The following DCP1A variants were observed in gnomAD, a reference collection of about 807,000 sequenced individuals.
DCP1A encodes the protein decapping mRNA 1A.
In DCP1A, 20 loss-of-function variants were observed where a neutral mutation model predicts 58.0. The ratio of observed to expected loss-of-function variants is 0.34; its 90% confidence interval spans 0.24 to 0.50. The LOEUF is 0.50. DCP1A is among the 20% of genes least tolerant of loss of function. The pLI is 0.98. For missense variants in DCP1A, 613 were observed against 712.2 expected (o/e 0.86, Z 1.59); for synonymous variants, 285 against 275.1 (o/e 1.04, Z -0.36).
intron 3 of DCP1A, among the ~76,000 whole-genome samples, chr3:53,321,122 C>T (rs1022107620): frequency 3.3e-5 from 5 of 152,266 alleles, no homozygotes; most frequent in Non-Finnish European, 7.3e-5. Context: ...GGTCAAGAAA[C>T]ATCAGGCCCA....
rs896251952 is a variant in DCP1A, at chr3:53,312,485, T to A, written c.372-106A>T. The A allele has an allele frequency of 6.8e-5, 68 of 994,848 alleles. 2 individuals are homozygous for A. In the Middle Eastern group the frequency reaches 1.4e-3, roughly 20 times the overall value. 61.6% of individuals were successfully genotyped at this position (994,848 alleles called of 1,614,324 possible). ...AGGATACACTAAGAGTGTCACATGA[T>A]GACATTCTTCTTTTTTTTTTTTTTT... is the stretch of plus-strand genomic sequence containing the variant. On this transcript the variant is annotated intron_variant, in intron 4 of 9. Transcript: ENST00000610213.
At chr3:53,328,533 A>AT (rs1404511021) in intron 3 of DCP1A, among the ~76,000 whole-genome samples, 25 of 152,054 alleles carry the variant, frequency 1.6e-4, no homozygotes, top group South Asian at 4.2e-4. Context: ...AAAAAAAAAA[A>AT]GATAAAAAGT....
chr3:53,284,549 TTTTTTTTG>T lies in DCP1A; in HGVS notation c.*3023_*3030del. ...GACTTTTTTTTTTTTTTTTTTTTTTTTTTTTTTGAGGTGGAGTCTCACTGTCGCCCAGG... is the reference window on the plus strand; with the variant it reads ...GACTTTTTTTTTTTTTTTTTTTTTTTAGGTGGAGTCTCACTGTCGCCCAGG... On this transcript the variant is annotated 3_prime_UTR_variant, in exon 10 of 10. Coordinates refer to ENST00000610213, the MANE Select transcript of DCP1A (RefSeq NM_018403.7). The T allele has an allele frequency of 7.3e-6, 1 of 136,282 alleles. No individual in the cohort carries two copies. Among genetic ancestry groups the T allele is most frequent in the Admixed American group, 7.6e-5 (1 of 13,150 alleles). The allele number at this position is 136,282 out of a possible 1,614,324, so 8.4% of individuals were successfully genotyped here.
At chr3:53,344,214 G>C (rs1452390457) in intron 2 of DCP1A, among the ~76,000 whole-genome samples, 1 of 151,930 alleles carries the variant, frequency 6.6e-6, no homozygotes, top group Non-Finnish European at 1.5e-5. Flanking sequence ...AACAAGGGAA[G>C]GAACCTGCCC....
Position 53,284,746 on chromosome 3 carries a change from A to T in DCP1A, c.*2834T>A, listed in dbSNP as rs1203026664. On this transcript the variant is annotated 3_prime_UTR_variant, in exon 10 of 10. Transcript: ENST00000610213. Reference sequence around the variant, plus strand: ...GAGATGGGGTTTCACCATGTTGGTCAGGCTGGGACTTGGGTTCTTAATAAA... The same window carrying T: ...GAGATGGGGTTTCACCATGTTGGTCTGGCTGGGACTTGGGTTCTTAATAAA... 6.6e-6 allele frequency: 1 copy of T among 152,252 alleles called. No individual in the cohort carries two copies. The allele number at this position is 152,252 out of a possible 1,614,324, so 9.4% of individuals were successfully genotyped here. A position where few individuals can be genotyped will look rare whatever the true frequency, so the allele number is the denominator to read the frequency against.
At chr3:53,327,421 G>C (rs1553690711) in intron 3 of DCP1A, among the ~76,000 whole-genome samples, 1 of 152,184 alleles carries the variant, frequency 6.6e-6, no homozygotes, top group East Asian at 1.9e-4. Flanking sequence ...CAGAAATCCA[G>C]GTTAAGGATG....
chr3:53,290,600 G>A (rs1014813595), intron 8 of DCP1A, 191 bp downstream of exon 8: 12 of 666,698 alleles, frequency 1.8e-5, no homozygotes, highest in Middle Eastern at 3.9e-4. Context: ...ACATCCAGCA[G>A]AACTTAAAAA....
intron 6 of DCP1A, among the ~76,000 whole-genome samples, chr3:53,299,362 T>A (rs1707238256): frequency 6.6e-6 from 1 of 152,136 alleles, no homozygotes. Flanking sequence ...GGATTCTGAG[T>A]TTTTTAATAC....
At chr3:53,338,589 C>T (rs7626998) in intron 3 of DCP1A, among the ~76,000 whole-genome samples, 1,544 of 152,132 alleles carry the variant, frequency 0.01, 27 homozygotes, top group African/African-American at 0.035. Flanking sequence ...TGGCTGGGCG[C>T]GGTGGCTCAC....
At chr3:53,332,037 T>C (rs1553691343) in intron 3 of DCP1A, among the ~76,000 whole-genome samples, 1 of 152,204 alleles carries the variant, frequency 6.6e-6, no homozygotes, top group Non-Finnish European at 1.5e-5. Context: ...GTATGTATAA[T>C]AGGGAGGTAT....
At chr3:53,316,271 T>C (rs1387271051) in intron 4 of DCP1A, among the ~76,000 whole-genome samples, 2 of 152,228 alleles carry the variant, frequency 1.3e-5, no homozygotes, top group South Asian at 2.1e-4. Flanking sequence ...AACAGGTTTA[T>C]GCAGGCAGAT....
intron 6 of DCP1A, among the ~76,000 whole-genome samples, chr3:53,293,370 A>C (rs1706996305): frequency 6.6e-6 from 1 of 152,206 alleles, no homozygotes; most frequent in Non-Finnish European, 1.5e-5. Flanking sequence ...TAAAATTTAT[A>C]TATATTTTAG....
At chr3:53,333,652 T>C (rs1193620443) in intron 3 of DCP1A, among the ~76,000 whole-genome samples, 1 of 151,922 alleles carries the variant, frequency 6.6e-6, no homozygotes, top group Non-Finnish European at 1.5e-5. Context: ...AAAAAAAAAT[T>C]TGTCTGCTTT....
At chr3:53,306,281 A>G (rs1707469389) in intron 5 of DCP1A, among the ~76,000 whole-genome samples, 1 of 152,240 alleles carries the variant, frequency 6.6e-6, no homozygotes, top group Admixed American at 6.5e-5. Flanking sequence ...AAATATCTCA[A>G]TCTTTTAACA....
chr3:53,329,412 A>C (rs1553691065), intron 3 of DCP1A: 3 of 398,502 alleles, frequency 7.5e-6, no homozygotes, highest in Non-Finnish European at 1.3e-5. Flanking sequence ...AGTGAAGCAG[A>C]AACGAAGGGG....
chr3:53,314,003 G>C (rs1030899064), intron 4 of DCP1A, among the ~76,000 whole-genome samples: 10 of 152,088 alleles, frequency 6.6e-5, no homozygotes, highest in African/African-American at 2.2e-4. Flanking sequence ...CCAAAATACT[G>C]GGATTAAAGG....
Position 53,344,886 on chromosome 3 carries a change from T to C in DCP1A, c.176+16A>G. On this transcript the variant is annotated intron_variant, in intron 2 of 9. Transcript: ENST00000610213. Reference sequence around the variant, plus strand: ...CTAGACTGTTAAAAACAAATATACATATTTTAAAAACTTACCTTCGATATA... The same window carrying C: ...CTAGACTGTTAAAAACAAATATACACATTTTAAAAACTTACCTTCGATATA... 6.4e-7 allele frequency: 1 copy of C among 1,563,946 alleles called. No individual in the cohort carries two copies. The highest frequency in any genetic ancestry group is 8.8e-7 in the Non-Finnish European group (1 of 1,138,278).
intron 3 of DCP1A, among the ~76,000 whole-genome samples, chr3:53,338,567 A>C (rs926310457): frequency 3.3e-5 from 5 of 151,682 alleles, no homozygotes; most frequent in Non-Finnish European, 7.4e-5. Context: ...ATGTTTTATA[A>C]AGAAAAACTC....
intron 4 of DCP1A, among the ~76,000 whole-genome samples, chr3:53,314,131 C>A (rs538274816): frequency 2.0e-5 from 3 of 151,974 alleles, no homozygotes; most frequent in Admixed American, 6.6e-5. Context: ...TGGCCTCAAG[C>A]AATCCTCCCA....
Sources: allele counts gnomAD v4.1 joint callset (sites outside exome capture counted in the v4.1 genomes callset), GRCh38; gene constraint gnomAD v4.1.1; transcripts MANE v1.5; gene names NCBI Gene and HGNC (gene_info 2026-07-23, HGNC 2026-07-21).